The following PSMA4 variants were observed in gnomAD, a reference collection of about 807,000 sequenced individuals.
PSMA4 encodes proteasome subunit alpha type-4.
PSMA4 carries 8 observed loss-of-function variants against 37.2 expected under a neutral mutation model. The observed-to-expected ratio is 0.22, with a 90% CI of 0.13 to 0.39. The LOEUF (loss-of-function observed/expected upper bound fraction) is 0.39. Among genes scored for constraint, PSMA4 ranks in the 10% least tolerant of loss-of-function variants. The pLI is 1.00. For missense variants in PSMA4, 169 were observed against 305.1 expected (o/e 0.55, Z 3.32); for synonymous variants, 93 against 98.8 (o/e 0.94, Z 0.35).
At chr15:78,542,860 G>A (rs2052479755) in intron 4 of PSMA4, among the ~76,000 whole-genome samples, 1 of 152,182 alleles carries the variant, frequency 6.6e-6, no homozygotes, top group African/African-American at 2.4e-5. Flanking sequence ...GTAATGATAA[G>A]AGTACAGACT....
At chr15:78,542,311 C>G in intron 3 of PSMA4, 92 bp downstream of exon 3, 1 of 1,424,566 alleles carries the variant, frequency 7.0e-7, no homozygotes, top group Non-Finnish European at 9.6e-7. Flanking sequence ...TTGGTAGTTG[C>G]AAAGTTCATC....
In PSMA4 at chr15:78,542,595, C is replaced by T. The variant is rs766323497; in HGVS notation, c.159C>T (p.His53=). The change falls in exon 4 of 9, where the codon CAC becomes CAT. Residue 53 remains histidine, a synonymous_variant. Transcript: ENST00000044462. ...VLLAAERRNI[H]KLLDEVFFSE... is the part of the protein sequence containing the mutation. ...TTGCAGCAGAGAGACGCAACATCCA[C>T]AAGCTTCTTGATGAAGTCTTTTTTT... 4 of 1,613,166 alleles carry T rather than the reference C, an allele frequency of 2.5e-6. No individual in the cohort carries two copies. Among genetic ancestry groups the T allele is most frequent in the Non-Finnish European group, 3.4e-6 (4 of 1,179,818 alleles).
rs370716397 is a variant in PSMA4, at chr15:78,545,761, C to T, written c.504C>T (p.Ser168=). ...AGGCCACATGCATTGGAAATAATAG[C>T]GCTGTGAGTATTTTTGTTGTGCTAT... ...GWKATCIGNN[S]AAAVSMLKQD... Residue 168 remains serine (S), a synonymous_variant, in exon 7 of 9, where the codon AGC becomes AGT. Coordinates refer to ENST00000044462, the MANE Select transcript of PSMA4 (RefSeq NM_002789.6). 5.6e-5 allele frequency: 91 copies of T among 1,613,338 alleles called. No individual in the cohort carries two copies. Among genetic ancestry groups the T allele is most frequent in the South Asian group, 1.6e-4 (15 of 90,996 alleles).
rs1209507001 is a variant in PSMA4 at position 78,546,710 on chromosome 15, C to A, written c.631+12C>A. ...CTCTGCTGAAAAAGGTAATTCATATCCTCTCCTTTAATTCTTTCGACTGAG... is the reference window on the plus strand; with the variant it reads ...CTCTGCTGAAAAAGGTAATTCATATACTCTCCTTTAATTCTTTCGACTGAG... On this transcript the variant is annotated intron_variant, in intron 8 of 8. Coordinates refer to ENST00000044462, the MANE Select transcript of PSMA4 (RefSeq NM_002789.6). 1 of 1,590,198 alleles carries A rather than the reference C, an allele frequency of 6.3e-7. No homozygotes were observed. Among genetic ancestry groups the A allele is most frequent in the African/African-American group, 1.4e-5 (1 of 73,036 alleles).
intron 1 of PSMA4, chr15:78,541,648 C>G (rs899102465): frequency 2.9e-5 from 13 of 453,624 alleles, no homozygotes; most frequent in Non-Finnish European, 5.1e-5. Flanking sequence ...TTTCTTGATT[C>G]TTTCATCATC....
intron 8 of PSMA4, among the ~76,000 whole-genome samples, chr15:78,547,899 A>G (rs2052582209): frequency 6.6e-6 from 1 of 151,866 alleles, no homozygotes; most frequent in African/African-American, 2.4e-5. Flanking sequence ...ATGTTGCTTT[A>G]TGTTAGGACA....
chr15:78,548,678 G>A, intron 8 of PSMA4, 112 bp from the exon 9 acceptor site: 1 of 1,445,896 alleles, frequency 6.9e-7, no homozygotes, highest in Non-Finnish European at 9.2e-7. Context: ...GGAGAGTGCT[G>A]AACTAACGTT....
At position 78,550,840 on chromosome 15, in the gene PSMA4, A is replaced by G. The variant is rs1053891729; in HGVS notation, c.*1896A>G. The G allele has an allele frequency of 9.2e-5, 14 of 152,150 alleles. No individual in the cohort carries two copies. Among genetic ancestry groups the G allele is most frequent in the African/African-American group, 3.4e-4 (14 of 41,436 alleles). 9.4% of individuals were successfully genotyped at this position (152,150 alleles called of 1,614,324 possible). A position where few individuals can be genotyped will look rare whatever the true frequency, so the allele number is the denominator to read the frequency against. On this transcript the variant is annotated 3_prime_UTR_variant, in exon 9 of 9. Coordinates refer to ENST00000044462, the MANE Select transcript of PSMA4 (RefSeq NM_002789.6). ...ATTTTCACCACTCTGCATGTCAACA[A>G]ATGACTAAAAGTACCACAAGTATTG...
rs2052649111 is a variant in PSMA4 at position 78,551,961 on chromosome 15, G to C, written c.*3017G>C. The C allele has an allele frequency of 6.6e-6, 1 of 152,162 alleles. No homozygotes were observed. The highest frequency in any genetic ancestry group is 6.5e-5 in the Admixed American group (1 of 15,276). The allele number at this position is 152,162 out of a possible 1,614,324, so 9.4% of individuals were successfully genotyped here. A position where few individuals can be genotyped will look rare whatever the true frequency, so the allele number is the denominator to read the frequency against. ...CAAATTTCAACGTATTCATCTTTTT[G>C]TTGAAATAAATTCATACTGTGAGGA... On this transcript the variant is annotated 3_prime_UTR_variant, in exon 9 of 9. Transcript: ENST00000044462.
chr15:78,551,215 T>A lies in PSMA4; in HGVS notation c.*2271T>A, dbSNP rs566835304. The A allele has an allele frequency of 6.6e-6, 1 of 152,314 alleles. No homozygotes were observed. The highest frequency in any genetic ancestry group is 1.9e-4 in the East Asian group (1 of 5,160). 9.4% of individuals were successfully genotyped at this position (152,314 alleles called of 1,614,324 possible). The stretch of plus-strand genomic sequence containing the variant: ...AACGGTACTACTGCACAGTTTTGGC[T>A]CAAAACCCTCCAATGGCTTCCCATC... On this transcript the variant is annotated 3_prime_UTR_variant, in exon 9 of 9. Coordinates refer to ENST00000044462, the MANE Select transcript of PSMA4 (RefSeq NM_002789.6).
At chr15:78,540,694 C>A (rs57064725) in intron 1 of PSMA4, 155 bp downstream of exon 1, 46,365 of 152,046 alleles carry the variant, frequency 0.3, 7,964 homozygotes, top group East Asian at 0.51. Context: ...ACGGACCGAC[C>A]GCCGGGAATG....
chr15:78,544,617 G>A (rs2052519466), intron 5 of PSMA4: 7 of 469,358 alleles, frequency 1.5e-5, no homozygotes, highest in Non-Finnish European at 2.6e-5. Context: ...ATGTTTCTAA[G>A]GAGAGCTCAC....
At chr15:78,542,763 T>C in intron 4 of PSMA4, 118 bp downstream of exon 4, 2 of 1,044,770 alleles carry the variant, frequency 1.9e-6, no homozygotes, top group South Asian at 1.6e-5. Context: ...TGTGCCTTTA[T>C]TTTGCTTGAA....
At position 78,550,275 on chromosome 15, in the gene PSMA4, T is replaced by G. The variant is rs1344280495; in HGVS notation, c.*1331T>G. The G allele has an allele frequency of 6.6e-6, 1 of 152,244 alleles. No individual in the cohort carries two copies. The highest frequency in any genetic ancestry group is 1.5e-5 in the Non-Finnish European group (1 of 68,054). 9.4% of individuals were successfully genotyped at this position (152,244 alleles called of 1,614,324 possible). A position where few individuals can be genotyped will look rare whatever the true frequency, so the allele number is the denominator to read the frequency against. ...CTACTTAAAGACACCTTTTTAAATG[T>G]GTATTGTGGATTCATTAACATAGAA... is the stretch of plus-strand genomic sequence containing the variant. On this transcript the variant is annotated 3_prime_UTR_variant, in exon 9 of 9. Coordinates refer to ENST00000044462, the MANE Select transcript of PSMA4 (RefSeq NM_002789.6).
chr15:78,544,015 A>G, intron 4 of PSMA4, 175 bp from the exon 5 acceptor site: 1 of 540,806 alleles, frequency 1.8e-6, no homozygotes, highest in East Asian at 3.0e-5. Context: ...ATGTTGAGTG[A>G]CATCGAGTAA....
At chr15:78,540,867 G>A (rs113809575) in intron 1 of PSMA4, 1,551 of 152,364 alleles carry the variant, frequency 0.01, 39 homozygotes, top group South Asian at 0.066. Context: ...CGGAGGTGCC[G>A]GTGAACTCAA....
At chr15:78,548,746 C>A in intron 8 of PSMA4, 44 bp from the exon 9 acceptor site, 1 of 1,574,680 alleles carries the variant, frequency 6.4e-7, no homozygotes, top group Non-Finnish European at 8.6e-7. Context: ...GCTAAGTATG[C>A]CTGCCTGCCT....
intron 8 of PSMA4, 70 bp downstream of exon 8, chr15:78,546,768 CTT>C (rs35886075): frequency 0.072 from 81,439 of 1,129,008 alleles, no homozygotes; most frequent in East Asian, 0.11. Flanking sequence ...AGATTTTTTT[CTT>C]TTTTTTTTTT....
rs141031070 is a variant in PSMA4, at chr15:78,546,471, A to G, written c.508-104A>G. 44 of 1,023,644 alleles carry G rather than the reference A, an allele frequency of 4.3e-5. No homozygotes were observed. The African/African-American group carries it at 6.6e-4, about 15-fold the overall frequency. 63.4% of individuals were successfully genotyped at this position (1,023,644 alleles called of 1,614,324 possible). A position where few individuals can be genotyped will look rare whatever the true frequency, so the allele number is the denominator to read the frequency against. ...GTCAAAAAAAAAAAAAAAATTGTTT[A>G]TACTTGTAATGCCAATAATAATTCA... On this transcript the variant is annotated intron_variant, in intron 7 of 8. Coordinates refer to ENST00000044462, the MANE Select transcript of PSMA4 (RefSeq NM_002789.6).
Sources: gnomAD v4.1 joint callset for allele counts (sites outside exome capture counted in the v4.1 genomes callset) on GRCh38, gnomAD v4.1.1 for gene constraint, MANE v1.5 for transcripts, NCBI Gene and HGNC (gene_info 2026-07-23, HGNC 2026-07-21) for gene names.